The following SLC27A5 variants were observed in gnomAD, a reference collection of about 807,000 sequenced individuals.
SLC27A5 encodes long-chain fatty acid transport protein 5.
In SLC27A5, 47 loss-of-function variants were observed where a neutral mutation model predicts 63.1. The ratio of observed to expected loss-of-function variants is 0.74; its 90% CI spans 0.59 to 0.95. The LOEUF (loss-of-function observed/expected upper bound fraction) is 0.95, where lower values mean the gene tolerates loss of function less well. SLC27A5 is among the 40% of genes least tolerant of loss of function. SLC27A5 has a pLI of 0.00. For missense variants in SLC27A5, 940 were observed against 921.0 expected, an observed-to-expected ratio of 1.02 and a Z score of -0.27; for synonymous variants, 391 against 403.8, an observed-to-expected ratio of 0.97 and a Z score of 0.38.
intron 3 of SLC27A5, chr19:58,509,622 G>A (rs1016222759): frequency 2.9e-5 from 13 of 440,730 alleles, no homozygotes; most frequent in Admixed American, 7.8e-5. Context: ...ACCATCACTC[G>A]TATCAGGTCT....
Position 58,504,963 on chromosome 19 carries a change from G to A in SLC27A5, c.1058-3553C>T, listed in dbSNP as rs1315885753. On this transcript the variant is annotated intron_variant, in intron 3 of 9. Transcript: ENST00000263093. ...GGAGCTTGCCGTGAGCAGAGATTGCGCCACTGCACTCCAGCCTGGGCGACA... is the reference window on the plus strand; with the variant it reads ...GGAGCTTGCCGTGAGCAGAGATTGCACCACTGCACTCCAGCCTGGGCGACA... Among the ~76,000 whole-genome samples the A allele has an allele frequency of 2.7e-5, 4 of 149,822 alleles. No individual in the cohort carries two copies. In the South Asian group the frequency reaches 6.4e-4, roughly 24 times the overall value.
At chr19:58,510,456 C>A in intron 2 of SLC27A5, 2 of 417,850 alleles carry the variant, frequency 4.8e-6, no homozygotes, top group East Asian at 4.1e-5. Context: ...TGCCTGTAAT[C>A]CCAGCTACTC....
chr19:58,510,464 CT>C, intron 2 of SLC27A5: 1 of 435,684 alleles, frequency 2.3e-6, no homozygotes, highest in East Asian at 3.9e-5. Flanking sequence ...ATCCCAGCTA[CT>C]CAGGAGGCTG....
chr19:58,500,974 C>T, intron 4 of SLC27A5: 1 of 1,334,118 alleles, frequency 7.5e-7, no homozygotes, highest in Non-Finnish European at 9.6e-7. Context: ...GGGGTCTCAC[C>T]TAAGAGTAGT....
rs2053260632 is a variant in SLC27A5 at position 58,500,421 on chromosome 19, G to A, written c.1386C>T (p.Ser462=). The change falls in exon 6 of 10, where the codon TCC becomes TCT. Residue 462 remains serine, a synonymous_variant. Coordinates refer to ENST00000263093, the MANE Select transcript of SLC27A5 (RefSeq NM_012254.3). The part of the protein sequence containing the change: ...GKMSCLLRML[S]PFELVQFDME... ...TGTCGAACTGCACCAGCTCAAAGGG[G>A]GACAGCATCTGGGGTGGAGGGTGGA... 6.2e-7 allele frequency: 1 copy of A among 1,613,702 alleles called. No individual in the cohort carries two copies. The highest frequency in any genetic ancestry group is 1.3e-5 in the African/African-American group (1 of 74,896).
Position 58,500,720 on chromosome 19 carries a change from C to A in SLC27A5, c.1183-14G>T, listed in dbSNP as rs950545284. The A allele has an allele frequency of 6.2e-7, 1 of 1,605,840 alleles. No homozygotes were observed. The highest frequency in any genetic ancestry group is 1.7e-4 in the Middle Eastern group (1 of 6,034). ...GTCCTCTGGTTGCTACAGGAATGTCCCCAGAAGGGTGAGGAGGAGGTGCTC... is the reference window on the plus strand; with the variant it reads ...GTCCTCTGGTTGCTACAGGAATGTCACCAGAAGGGTGAGGAGGAGGTGCTC... On this transcript the variant is annotated splice_polypyrimidine_tract_variant and intron_variant, in intron 4 of 9. Transcript: ENST00000263093.
intron 3 of SLC27A5, chr19:58,508,151 A>G (rs1408250824): frequency 6.6e-6 from 1 of 152,198 alleles, no homozygotes; most frequent in Admixed American, 6.6e-5. Context: ...TCAGGTGGGC[A>G]TCATGGTCCT....
At chr19:58,511,015 A>G (rs922851093) in intron 1 of SLC27A5, 85 bp from the exon 2 acceptor site, 4 of 1,142,224 alleles carry the variant, frequency 3.5e-6, no homozygotes, top group Non-Finnish European at 4.9e-6. Flanking sequence ...AGATGCAGGC[A>G]GAGGAGCAGC....
intron 3 of SLC27A5, 101 bp downstream of exon 3, chr19:58,509,746 G>T: frequency 9.0e-7 from 1 of 1,114,262 alleles, no homozygotes; most frequent in Non-Finnish European, 1.2e-6. Flanking sequence ...GAGAACACAG[G>T]GTGCTGGGTA....
intron 3 of SLC27A5, among the ~76,000 whole-genome samples, chr19:58,504,016 G>A (rs2122505429): frequency 6.6e-6 from 1 of 152,184 alleles, no homozygotes; most frequent in African/African-American, 2.4e-5. Flanking sequence ...TCAGGAGGAT[G>A]AGGCATGAGA....
intron 3 of SLC27A5, chr19:58,507,931 G>C (rs1441879999): frequency 6.6e-6 from 1 of 152,094 alleles, no homozygotes; most frequent in African/African-American, 2.4e-5. Context: ...CCTGTTTTCT[G>C]TTGTTTAAGA....
chr19:58,500,248 ACGTCAAGCTTTTGAG>A (rs2053258370), intron 6 of SLC27A5, 76 bp downstream of exon 6: 1 of 1,096,226 alleles, frequency 9.1e-7, no homozygotes, highest in African/African-American at 1.5e-5. Context: ...GTGAGCACCA[ACGTCAAGCTTTTGAG>A]CAGCTCGTTC....
At position 58,500,573 on chromosome 19, in the gene SLC27A5, A is replaced by C; in HGVS notation, c.1316T>G (p.Met439Arg). 1 of 1,614,092 alleles carries C rather than the reference A, an allele frequency of 6.2e-7. No homozygotes were observed. The highest frequency in any genetic ancestry group is 8.5e-7 in the Non-Finnish European group (1 of 1,180,024). Residue 439 changes from methionine to arginine, a missense_variant, in exon 5 of 10, where the codon ATG becomes AGG. Transcript: ENST00000263093. The stretch of plus-strand genomic sequence containing the variant: ...GCGCCCCACATAGTTGACTAAGCCC[A>C]TGTTGCCTTCTGTGGAGCCGTAGAC... Reference protein sequence around the residue: ...WEVYGSTEGNMGLVNYVGRCG... With the variant: ...WEVYGSTEGNRGLVNYVGRCG...
chr19:58,503,499 C>CA (rs1013094557), intron 3 of SLC27A5, among the ~76,000 whole-genome samples: 2 of 150,338 alleles, frequency 1.3e-5, no homozygotes, highest in Admixed American at 6.6e-5. Flanking sequence ...CTATCTCTAC[C>CA]AAAAAATGCA....
At chr19:58,500,859 T>G in intron 4 of SLC27A5, 153 bp from the exon 5 acceptor site, 1 of 1,438,378 alleles carries the variant, frequency 7.0e-7, no homozygotes, top group South Asian at 1.5e-5. Context: ...CCTGGGTTAC[T>G]TACATGAGAG....
rs146568881 is a variant in SLC27A5 at position 58,503,017 on chromosome 19, T to G, written c.1058-1607A>C. Among the ~76,000 whole-genome samples the G allele has an allele frequency of 6.7e-3, 1,017 of 152,056 alleles. 11 individuals carry two copies. The highest frequency in any genetic ancestry group is 0.023 in the African/African-American group (954 of 41,450). ...GTCAGGAGATCAAGACCATCCTGGC[T>G]AACACGGTGAAACCCGTCTCTACTG... On this transcript the variant is annotated intron_variant, in intron 3 of 9. Coordinates refer to ENST00000263093, the MANE Select transcript of SLC27A5 (RefSeq NM_012254.3).
intron 3 of SLC27A5, chr19:58,508,983 AG>A (rs1330517066): frequency 6.6e-6 from 1 of 151,776 alleles, no homozygotes; most frequent in Non-Finnish European, 1.5e-5. Context: ...AGGCTGAGGC[AG>A]GAAAATCGCT....
chr19:58,500,557 A>C lies in SLC27A5; in HGVS notation c.1332T>G (p.Tyr444Ter). ...TGCCCAGGGCCCCGCAGCGCCCCACATAGTTGACTAAGCCCATGTTGCCTT... is the reference window on the plus strand; with the variant it reads ...TGCCCAGGGCCCCGCAGCGCCCCACCTAGTTGACTAAGCCCATGTTGCCTT... ...STEGNMGLVN[Y>*]VGRCGALGKM... The change falls in exon 5 of 10, where the codon TAT (tyrosine) becomes TAG (stop). Residue 444 changes from tyrosine (Y) to a stop codon, truncating the protein, a stop_gained. Coordinates refer to ENST00000263093, the MANE Select transcript of SLC27A5 (RefSeq NM_012254.3). LOFTEE classifies it high-confidence loss of function. 1 of 1,614,070 alleles carries C rather than the reference A, an allele frequency of 6.2e-7. No individual in the cohort carries two copies. The highest frequency in any genetic ancestry group is 8.5e-7 in the Non-Finnish European group (1 of 1,180,012).
chr19:58,498,406 G>T lies in SLC27A5; in HGVS notation c.*109C>A. The T allele has an allele frequency of 1.8e-6, 2 of 1,139,464 alleles. No homozygotes were observed. The highest frequency in any genetic ancestry group is 1.5e-5 in the South Asian group (1 of 65,156). 70.6% of individuals were successfully genotyped at this position (1,139,464 alleles called of 1,614,324 possible). On this transcript the variant is annotated 3_prime_UTR_variant, in exon 10 of 10. Transcript: ENST00000263093. The stretch of plus-strand genomic sequence containing the variant: ...GTCATTTCCAGCCCACTGAGGTTGA[G>T]GGTATGGCCAGGCTGGGATTCACAC...
Sources: gnomAD v4.1 joint callset for allele counts (sites outside exome capture counted in the v4.1 genomes callset) on GRCh38, gnomAD v4.1.1 for gene constraint, MANE v1.5 for transcripts, NCBI Gene and HGNC (gene_info 2026-07-23, HGNC 2026-07-21) for gene names.